CDH4: variants seen among roughly 807,000 people sequenced by gnomAD.
CDH4 encodes the protein cadherin 4, also known as cadherin-4.
A neutral mutation model predicts 86.0 loss-of-function variants in CDH4; 33 were observed. The ratio of observed to expected loss-of-function variants is 0.38; its 90% CI spans 0.29 to 0.51. The LOEUF (loss-of-function observed/expected upper bound fraction) is 0.51, where lower values mean the gene tolerates loss of function less well. Ranked by LOEUF, CDH4 falls within the 20% of genes least tolerant of loss-of-function variation. The probability of loss-of-function intolerance (pLI) is 0.86; values close to 1 mark genes in which losing one functional copy is unlikely to be tolerated. For synonymous variants in CDH4, 555 were observed against 549.4 expected (o/e 1.01, Z -0.14); for missense variants, 1,114 against 1,307.4 (o/e 0.85, Z 2.28).
chr20:61,684,586 G>A lies in CDH4; in HGVS notation c.170-58977G>A, dbSNP rs2087553748. Among the ~76,000 whole-genome samples, 1 of 152,158 alleles carries A rather than the reference G, an allele frequency of 6.6e-6. No homozygotes were observed. Among genetic ancestry groups the A allele is most frequent in the Non-Finnish European group, 1.5e-5 (1 of 68,030 alleles). ...TGGGAATCCTGGGCTCCGTCCTGGG[G>A]GCTGAAAGGCTCCTGGGGGTTCAGT... On this transcript the variant is annotated intron_variant, in intron 2 of 15. Transcript: ENST00000614565. The surrounding 1 kb of genome is among the most constrained non-coding windows in gnomAD (Gnocchi z 4.5).
At chr20:61,284,504 C>G (rs1337953092) in intron 2 of CDH4, among the ~76,000 whole-genome samples, 5 of 152,196 alleles carry the variant, frequency 3.3e-5, no homozygotes, top group Non-Finnish European at 7.3e-5. Context: ...TCACATCAGT[C>G]TCCGGGGCTG....
At chr20:61,932,206 T>C (rs1432971912) in intron 13 of CDH4, among the ~76,000 whole-genome samples, 1 of 152,158 alleles carries the variant, frequency 6.6e-6, no homozygotes, top group African/African-American at 2.4e-5. Context: ...GAAAGACTTG[T>C]GGGTGGGCCC....
At chr20:61,928,611 G>A (rs937807902) in intron 12 of CDH4, among the ~76,000 whole-genome samples, 188 bp downstream of exon 12, 8 of 152,222 alleles carry the variant, frequency 5.3e-5, no homozygotes, top group African/African-American at 1.7e-4. Context: ...CCTTGAGGAG[G>A]CCACCAAGTC....
chr20:61,806,766 G>A (rs1980160066), intron 4 of CDH4, among the ~76,000 whole-genome samples: 1 of 152,134 alleles, frequency 6.6e-6, no homozygotes. Flanking sequence ...AGACATCAGG[G>A]ACATGTTCAT....
intron 2 of CDH4, among the ~76,000 whole-genome samples, chr20:61,611,733 G>A (rs774089098): frequency 2.6e-5 from 4 of 152,160 alleles, no homozygotes; most frequent in Non-Finnish European, 4.4e-5. Context: ...AGCCGCTTGG[G>A]GGACAGGGCT....
chr20:61,331,341 C>T (rs955080432), intron 2 of CDH4, among the ~76,000 whole-genome samples: 18 of 152,122 alleles, frequency 1.2e-4, no homozygotes, highest in Admixed American at 6.5e-4. Context: ...AGCATGAGTC[C>T]GACCATGTCA....
Position 61,480,439 on chromosome 20 carries a change from C to G in CDH4, c.169+225502C>G, listed in dbSNP as rs961675130. On this transcript the variant is annotated intron_variant, in intron 2 of 15. Coordinates refer to ENST00000614565, the MANE Select transcript of CDH4 (RefSeq NM_001794.5). The surrounding 1 kb of genome is among the most constrained non-coding windows in gnomAD (Gnocchi z 5.2). ...CTGCCACGCCATCTCTGGGAAGCCT[C>G]CTTTCCCTCTTCGTCCAGGTTTTAT... Among the ~76,000 whole-genome samples the G allele has an allele frequency of 6.6e-6, 1 of 152,250 alleles. No individual in the cohort carries two copies. Among genetic ancestry groups the G allele is most frequent in the Admixed American group, 6.5e-5 (1 of 15,288 alleles).
chr20:61,460,559 G>A (rs1373837590), intron 2 of CDH4, among the ~76,000 whole-genome samples: 2 of 152,210 alleles, frequency 1.3e-5, no homozygotes, highest in Non-Finnish European at 2.9e-5. Context: ...TAAGGGCCTT[G>A]GGCCAGGAGG....
intron 2 of CDH4, among the ~76,000 whole-genome samples, chr20:61,743,265 A>T (rs2088366101): frequency 6.6e-6 from 1 of 152,256 alleles, no homozygotes; most frequent in African/African-American, 2.4e-5. Context: ...CTCCGGCTGA[A>T]TTCGGAGATA....
rs1205270385 is a variant in CDH4 at position 61,902,113 on chromosome 20, T to A, written c.1188+7066T>A. 6.6e-6 allele frequency among the ~76,000 whole-genome samples: 1 copy of A among 152,170 alleles called. No homozygotes were observed. The highest frequency in any genetic ancestry group is 1.5e-5 in the Non-Finnish European group (1 of 68,040). Reference sequence around the variant, plus strand: ...GCACCTTCTGGCTTCCAGCAACTGATGGAAATTCAAACCATGACGTGTTCA... The same window carrying A: ...GCACCTTCTGGCTTCCAGCAACTGAAGGAAATTCAAACCATGACGTGTTCA... On this transcript the variant is annotated intron_variant, in intron 8 of 15. Coordinates refer to ENST00000614565, the MANE Select transcript of CDH4 (RefSeq NM_001794.5). The surrounding 1 kb of genome is among the most constrained non-coding windows in gnomAD (Gnocchi z 4.6).
chr20:61,319,578 G>C (rs1412927997), intron 2 of CDH4, among the ~76,000 whole-genome samples: 1 of 152,138 alleles, frequency 6.6e-6, no homozygotes, highest in Admixed American at 6.5e-5. Context: ...CATATGGTAG[G>C]TGGTTGCCTG....
intron 4 of CDH4, among the ~76,000 whole-genome samples, chr20:61,794,088 A>C (rs1979388031): frequency 6.7e-6 from 1 of 150,118 alleles, no homozygotes; most frequent in Non-Finnish European, 1.5e-5. Flanking sequence ...GCTTGCAGTG[A>C]GCCAAGATGG....
In CDH4 at chr20:61,383,141, T is replaced by C. The variant is rs1258259883; in HGVS notation, c.169+128204T>C. Among the ~76,000 whole-genome samples, 10 of 88,922 alleles carry C rather than the reference T, an allele frequency of 1.1e-4. 1 individual carries two copies. In the East Asian group the frequency reaches 1.8e-3, roughly 16 times the overall value. 58.3% of individuals were successfully genotyped at this position (88,922 alleles called of 152,430 possible). On this transcript the variant is annotated intron_variant, in intron 2 of 15. Coordinates refer to ENST00000614565, the MANE Select transcript of CDH4 (RefSeq NM_001794.5). ...AATATATATGAATATATTATATATA[T>C]GAATATATATGAATATATTATATAT... is the stretch of plus-strand genomic sequence containing the variant.
intron 2 of CDH4, among the ~76,000 whole-genome samples, chr20:61,541,508 G>T (rs2086039078): frequency 6.6e-6 from 1 of 152,140 alleles, no homozygotes; most frequent in Non-Finnish European, 1.5e-5. Flanking sequence ...GCCAGCACTG[G>T]GGTGTCCACC....
intron 2 of CDH4, among the ~76,000 whole-genome samples, chr20:61,667,059 C>T (rs79832287): frequency 7.8e-4 from 119 of 152,392 alleles, no homozygotes; most frequent in Middle Eastern, 3.4e-3. Flanking sequence ...GGGCATGACG[C>T]CACCATCTCA....
At chr20:61,627,174 G>A (rs1031436533) in intron 2 of CDH4, among the ~76,000 whole-genome samples, 1 of 152,174 alleles carries the variant, frequency 6.6e-6, no homozygotes, top group East Asian at 1.9e-4. Context: ...ACAGGTTGGA[G>A]GACCCGTTCC....
At chr20:61,494,864 G>A (rs368875939) in intron 2 of CDH4, among the ~76,000 whole-genome samples, 76 of 152,350 alleles carry the variant, frequency 5.0e-4, no homozygotes, top group African/African-American at 1.6e-3. Flanking sequence ...GTAGCGCCTC[G>A]TGCATGCCTA....
At chr20:61,901,548 G>A (rs1244827863) in intron 8 of CDH4, among the ~76,000 whole-genome samples, 2 of 152,244 alleles carry the variant, frequency 1.3e-5, no homozygotes, top group African/African-American at 2.4e-5. Context: ...CAGGGCCGGC[G>A]CTCAGCTGTG....
intron 3 of CDH4, among the ~76,000 whole-genome samples, chr20:61,760,449 A>G (rs2088620949): frequency 6.6e-6 from 1 of 152,122 alleles, no homozygotes; most frequent in African/African-American, 2.4e-5. Flanking sequence ...GAGAGGAGGA[A>G]CGGTGAGGGC....
Sources: gnomAD v4.1 joint callset for allele counts (sites outside exome capture counted in the v4.1 genomes callset) on GRCh38, gnomAD v4.1.1 for gene constraint, Gnocchi (gnomAD v3.1) non-coding constraint, MANE v1.5 for transcripts, NCBI Gene and HGNC (gene_info 2026-07-23, HGNC 2026-07-21) for gene names.